The following LOXHD1 variants were observed in gnomAD, a reference collection of about 807,000 sequenced individuals.
LOXHD1 encodes lipoxygenase homology domain-containing protein 1.
Under a neutral mutation model 248.2 loss-of-function variants are expected in LOXHD1, and 205 were observed. That is an observed-to-expected ratio of 0.83 (90% CI 0.74 to 0.93). The LOEUF (loss-of-function observed/expected upper bound fraction) is 0.93. Ranked by LOEUF, LOXHD1 falls within the 40% of genes least tolerant of loss-of-function variation. The pLI is 0.00. For missense variants in LOXHD1, 2,930 were observed against 2,971.6 expected, an observed-to-expected ratio of 0.99 and a Z score of 0.33; for synonymous variants, 1,113 against 1,162.8, an observed-to-expected ratio of 0.96 and a Z score of 0.87.
intron 12 of LOXHD1, among the ~76,000 whole-genome samples, chr18:46,584,585 T>C (rs1198699366): frequency 6.6e-6 from 1 of 151,974 alleles, no homozygotes; most frequent in Non-Finnish European, 1.5e-5. Flanking sequence ...AAAAAAAACC[T>C]AGCCAGAAAG....
intron 9 of LOXHD1, 124 bp downstream of exon 9, chr18:46,594,207 T>C: frequency 1.5e-6 from 2 of 1,306,326 alleles, no homozygotes; most frequent in Non-Finnish European, 1.0e-6. Flanking sequence ...TTTTCCTTCC[T>C]TTCTGGAGGA....
At chr18:46,611,681 T>C (rs542591990) in intron 5 of LOXHD1, among the ~76,000 whole-genome samples, 2 of 152,154 alleles carry the variant, frequency 1.3e-5, no homozygotes, top group Non-Finnish European at 2.9e-5. Context: ...GAAAATAATA[T>C]AAGACATTCA....
chr18:46,550,369 C>T (rs553859831), intron 21 of LOXHD1, among the ~76,000 whole-genome samples: 5 of 151,596 alleles, frequency 3.3e-5, no homozygotes, highest in South Asian at 2.1e-4. Flanking sequence ...GTCAGGAGAT[C>T]GAGACCATCC....
chr18:46,495,005 C>T (rs2033760324), intron 37 of LOXHD1, among the ~76,000 whole-genome samples: 1 of 151,994 alleles, frequency 6.6e-6, no homozygotes, highest in African/African-American at 2.4e-5. Context: ...AGGCGCCCGC[C>T]ACTGCGCCCG....
At chr18:46,550,056 C>T (rs1426938698) in intron 21 of LOXHD1, among the ~76,000 whole-genome samples, 1 of 152,102 alleles carries the variant, frequency 6.6e-6, no homozygotes, top group Non-Finnish European at 1.5e-5. Context: ...AATCAACAAG[C>T]CAATAAATGT....
chr18:46,583,076 C>G (rs927967746), intron 12 of LOXHD1, among the ~76,000 whole-genome samples: 2 of 152,124 alleles, frequency 1.3e-5, no homozygotes, highest in Non-Finnish European at 2.9e-5. Context: ...ATGGATCTAA[C>G]TATCTTCTAT....
chr18:46,635,592 A>G (rs2038883039), intron 4 of LOXHD1, among the ~76,000 whole-genome samples: 1 of 152,184 alleles, frequency 6.6e-6, no homozygotes, highest in African/African-American at 2.4e-5. Context: ...ATTGTTTACC[A>G]GGGTACAGTC....
intron 8 of LOXHD1, among the ~76,000 whole-genome samples, chr18:46,598,265 C>T (rs1454323604): frequency 6.6e-6 from 1 of 151,826 alleles, no homozygotes; most frequent in Non-Finnish European, 1.5e-5. Flanking sequence ...AATTTAACAC[C>T]AATTCATCAT....
At chr18:46,486,391 C>T (rs2033054406) in intron 38 of LOXHD1, among the ~76,000 whole-genome samples, 8 of 152,164 alleles carry the variant, frequency 5.3e-5, no homozygotes, top group Admixed American at 5.2e-4. Flanking sequence ...CCTTTTGCCT[C>T]TGTAACTTTT....
intron 36 of LOXHD1, among the ~76,000 whole-genome samples, chr18:46,507,314 T>C (rs893053900): frequency 5.9e-5 from 9 of 152,218 alleles, no homozygotes; most frequent in Admixed American, 4.6e-4. Flanking sequence ...TCCCCAGTAA[T>C]GTTCTCCCCT....
chr18:46,579,999 G>A (rs2144149366), intron 12 of LOXHD1, among the ~76,000 whole-genome samples: 1 of 152,304 alleles, frequency 6.6e-6, no homozygotes. Context: ...GGTCATTATA[G>A]GTATATGGAT....
chr18:46,599,933 A>G (rs542488697), intron 8 of LOXHD1, among the ~76,000 whole-genome samples: 1 of 152,254 alleles, frequency 6.6e-6, no homozygotes, highest in Non-Finnish European at 1.5e-5. Flanking sequence ...ACAAGAATGT[A>G]TAAAACAAAA....
At chr18:46,607,869 C>G (rs1437874363) in intron 6 of LOXHD1, among the ~76,000 whole-genome samples, 1 of 151,902 alleles carries the variant, frequency 6.6e-6, no homozygotes, top group Non-Finnish European at 1.5e-5. Context: ...AGAAAGAGAC[C>G]AGAACAAATG....
intron 21 of LOXHD1, among the ~76,000 whole-genome samples, chr18:46,551,376 T>C (rs967447871): frequency 7.7e-6 from 1 of 130,084 alleles, no homozygotes; most frequent in African/African-American, 3.1e-5. Flanking sequence ...GTGCTGGGAT[T>C]ATAGGCATGA....
At chr18:46,493,291 G>A (rs945879784) in intron 37 of LOXHD1, among the ~76,000 whole-genome samples, 3 of 152,184 alleles carry the variant, frequency 2.0e-5, no homozygotes, top group Admixed American at 1.3e-4. Context: ...GAAAGACTTT[G>A]TTAACAACCC....
chr18:46,524,381 G>A, intron 31 of LOXHD1, 85 bp downstream of exon 31: 2 of 1,485,786 alleles, frequency 1.3e-6, no homozygotes, highest in Non-Finnish European at 1.8e-6. Flanking sequence ...GTGATGGTGG[G>A]GCTCAAGAAT....
intron 17 of LOXHD1, among the ~76,000 whole-genome samples, chr18:46,564,738 G>C (rs1314994729): frequency 6.6e-6 from 1 of 152,078 alleles, no homozygotes; most frequent in African/African-American, 2.4e-5. Context: ...TTCCAGTGTT[G>C]ATTTATAAAA....
chr18:46,646,674 C>T (rs1236966938), intron 2 of LOXHD1, among the ~76,000 whole-genome samples: 1 of 152,200 alleles, frequency 6.6e-6, no homozygotes, highest in Non-Finnish European at 1.5e-5. Flanking sequence ...CCCCATCAGC[C>T]CGCAGCGCTC....
Position 46,560,336 on chromosome 18 carries a change from C to A in LOXHD1, c.2808G>T (p.Leu936=). ...LLKKERLKAK[L]QRKKKKRKGS... is the part of the protein sequence containing the mutation. The stretch of plus-strand genomic sequence containing the variant: ...CCTTCCTCTTCTTCTTCTTCCTCTG[C>A]AGCTTGGCCTTCAGCCGCTCCTTCT... Residue 936 remains leucine (L), a synonymous_variant, in exon 19 of 41, where the codon CTG becomes CTT. Transcript: ENST00000642948. 1 of 1,552,182 alleles carries A rather than the reference C, an allele frequency of 6.4e-7. No homozygotes were observed. Among genetic ancestry groups the A allele is most frequent in the Non-Finnish European group, 8.7e-7 (1 of 1,147,354 alleles).
Sources: allele counts gnomAD v4.1 joint callset (sites outside exome capture counted in the v4.1 genomes callset), GRCh38; gene constraint gnomAD v4.1.1; transcripts MANE v1.5; gene names NCBI Gene and HGNC (gene_info 2026-07-23, HGNC 2026-07-21).